The following SCLY variants were observed in gnomAD, a reference collection of about 807,000 sequenced individuals.
SCLY encodes the protein selenocysteine lyase.
Under a neutral mutation model 50.1 loss-of-function variants are expected in SCLY, and 38 were observed. That is an observed-to-expected ratio of 0.76 (90% confidence interval 0.59 to 0.99). SCLY has a LOEUF of 0.99. Ranked by LOEUF, SCLY falls within the 50% of genes least tolerant of loss-of-function variation. The pLI, the probability that SCLY is intolerant of heterozygous loss-of-function variation, is 0.00. For synonymous variants in SCLY, 243 were observed against 249.4 expected (o/e 0.97, Z 0.24); for missense variants, 600 against 620.0 (o/e 0.97, Z 0.34).
chr2:238,071,507 G>A (rs2065127722), intron 4 of SCLY, among the ~76,000 whole-genome samples: 1 of 152,130 alleles, frequency 6.6e-6, no homozygotes, highest in Non-Finnish European at 1.5e-5. Context: ...TACTCGGGAG[G>A]CTAAGGAGGA....
At chr2:238,097,833 G>T (rs1303374774) in intron 11 of SCLY, among the ~76,000 whole-genome samples, 1 of 152,158 alleles carries the variant, frequency 6.6e-6, no homozygotes, top group East Asian at 1.9e-4. Context: ...TTACCAAGTG[G>T]CTCAGGTGGG....
chr2:238,091,972 G>A (rs934107093), intron 8 of SCLY: 1 of 152,338 alleles, frequency 6.6e-6, no homozygotes, highest in Non-Finnish European at 1.5e-5. Context: ...CAGAGAAAGG[G>A]CTTAGCGCCC....
At chr2:238,080,062 T>C (rs2065219042) in intron 4 of SCLY, 2 of 152,242 alleles carry the variant, frequency 1.3e-5, no homozygotes, top group South Asian at 2.1e-4. Context: ...TCCAATATAC[T>C]CTGGAGCCCC....
In SCLY at chr2:238,068,067, A is replaced by G. The variant is rs143106489; in HGVS notation, c.205A>G (p.Arg69Gly). The G allele has an allele frequency of 8.5e-4, 1,374 of 1,608,594 alleles. No individual in the cohort carries two copies. The highest frequency in any genetic ancestry group is 8.5e-4 in the Non-Finnish European group (1,005 of 1,177,880). ...GNPSSPYSAG[R>G]KAKDIINAAR... ...AATTTCCTTTTTGGTCCCTCAAGGA[A>G]GAAAGGCCAAGGATATTATAAATGC... Residue 69 changes from arginine (R) to glycine (G), a missense_variant and splice_region_variant, in exon 3 of 12, where the codon AGA (arginine) becomes GGA (glycine). Transcript: ENST00000254663.
chr2:238,085,791 C>T (rs2065291230), intron 7 of SCLY, among the ~76,000 whole-genome samples: 1 of 152,142 alleles, frequency 6.6e-6, no homozygotes, highest in Non-Finnish European at 1.5e-5. Context: ...AATGATATAA[C>T]ATTCGTTTCA....
At chr2:238,095,155 C>T (rs1251044948) in intron 10 of SCLY, among the ~76,000 whole-genome samples, 3 of 152,204 alleles carry the variant, frequency 2.0e-5, no homozygotes, top group Admixed American at 2.0e-4. Context: ...ATAATTGAGC[C>T]ACTGCACTCC....
intron 4 of SCLY, among the ~76,000 whole-genome samples, chr2:238,078,364 T>A (rs1362137133): frequency 6.6e-6 from 1 of 152,242 alleles, no homozygotes; most frequent in Non-Finnish European, 1.5e-5. Flanking sequence ...TTTCACTTTT[T>A]GTTTCCTAGA....
chr2:238,062,613 T>C (rs1179025942), intron 1 of SCLY, among the ~76,000 whole-genome samples: 1 of 152,244 alleles, frequency 6.6e-6, no homozygotes, highest in Non-Finnish European at 1.5e-5. Flanking sequence ...GGTTTCGCCG[T>C]GTTGGCCAGG....
chr2:238,097,059 A>G (rs1351704315), intron 11 of SCLY, among the ~76,000 whole-genome samples, 183 bp downstream of exon 11: 1 of 152,044 alleles, frequency 6.6e-6, no homozygotes, highest in Non-Finnish European at 1.5e-5. Context: ...CTGCCATCTG[A>G]AGGACTAGGA....
In SCLY at chr2:238,064,387, T is replaced by TC. The variant is rs1238297211; in HGVS notation, c.124dup (p.Leu42ProfsTer60). ...TTTATATGGACTATAATGCAACGAC[T>TC]CCCCTGGAGCCAGAAGTTATCCAGG... is the stretch of plus-strand genomic sequence containing the variant. On this transcript the variant is annotated frameshift_variant, in exon 2 of 12. Coordinates refer to ENST00000254663, the MANE Select transcript of SCLY (RefSeq NM_016510.7). LOFTEE classifies it high-confidence loss of function. 6.2e-7 allele frequency: 1 copy of TC among 1,609,332 alleles called. No individual in the cohort carries two copies. Among genetic ancestry groups the TC allele is most frequent in the African/African-American group, 1.3e-5 (1 of 74,482 alleles).
intron 6 of SCLY, 92 bp downstream of exon 6, chr2:238,082,301 T>C: frequency 7.6e-7 from 1 of 1,320,610 alleles, no homozygotes; most frequent in East Asian, 2.5e-5. Context: ...CTGCCCACCG[T>C]GAGCCAGGCC....
At position 238,099,042 on chromosome 2, in the gene SCLY, G is replaced by T. The variant is rs1472178365; in HGVS notation, c.*687G>T. ...GCTTCCCCGAGCCTGACCCTGTTCC[G>T]CCCACTGGCAATCAGGGCTGCGCAC... On this transcript the variant is annotated 3_prime_UTR_variant, in exon 12 of 12. Transcript: ENST00000254663. 8.8e-6 allele frequency: 3 copies of T among 340,536 alleles called. No individual in the cohort carries two copies. Among genetic ancestry groups the T allele is most frequent in the Non-Finnish European group, 1.7e-5 (3 of 174,452 alleles). 21.1% of individuals were successfully genotyped at this position (340,536 alleles called of 1,614,324 possible).
In SCLY at chr2:238,069,564, C is replaced by T. The variant is rs1394296843; in HGVS notation, c.484+87C>T. ...TGGCCTGCGAGCAGAGCCCGGGATC[C>T]GCTGCAGAGATGTAGATTCAGTGTG... On this transcript the variant is annotated intron_variant, in intron 4 of 11. Coordinates refer to ENST00000254663, the MANE Select transcript of SCLY (RefSeq NM_016510.7). The surrounding 1 kb of genome is among the most constrained non-coding windows in gnomAD (Gnocchi z 5.0). 26 of 1,213,978 alleles carry T rather than the reference C, an allele frequency of 2.1e-5. No individual in the cohort carries two copies. Among genetic ancestry groups the T allele is most frequent in the African/African-American group, 1.4e-4 (9 of 65,044 alleles). 75.2% of individuals were successfully genotyped at this position (1,213,978 alleles called of 1,614,324 possible). A position where few individuals can be genotyped will look rare whatever the true frequency, so the allele number is the denominator to read the frequency against.
At chr2:238,071,195 A>G (rs1403469119) in intron 4 of SCLY, among the ~76,000 whole-genome samples, 1 of 152,218 alleles carries the variant, frequency 6.6e-6, no homozygotes, top group Non-Finnish European at 1.5e-5. Context: ...GCAACTTGGT[A>G]TACATCATTA....
chr2:238,085,474 T>C (rs2065284431), intron 7 of SCLY, among the ~76,000 whole-genome samples: 3 of 150,884 alleles, frequency 2.0e-5, no homozygotes, highest in African/African-American at 7.3e-5. Context: ...ATCCCAGCAC[T>C]TTGGGAGGCC....
Position 238,094,416 on chromosome 2 carries a change from T to G in SCLY, c.1006-4T>G, listed in dbSNP as rs746621437. The G allele has an allele frequency of 1.2e-6, 2 of 1,611,730 alleles. No homozygotes were observed. The highest frequency in any genetic ancestry group is 1.7e-6 in the Non-Finnish European group (2 of 1,178,690). ...TCACCAAATATTTCACTTATTTTTT[T>G]CAGGCTGAATTCGGTCAGAAGAGAA... On this transcript the variant is annotated splice_region_variant and splice_polypyrimidine_tract_variant and intron_variant, in intron 9 of 11. Transcript: ENST00000254663.
chr2:238,086,973 C>T (rs2065304166), intron 7 of SCLY, among the ~76,000 whole-genome samples: 2 of 151,068 alleles, frequency 1.3e-5, no homozygotes, highest in South Asian at 2.1e-4. Flanking sequence ...GACCCGAGAT[C>T]GCACCACTGC....
intron 11 of SCLY, 55 bp from the exon 12 acceptor site, chr2:238,098,147 G>C (rs767969708): frequency 1.3e-6 from 2 of 1,582,650 alleles, no homozygotes; most frequent in Admixed American, 3.4e-5. Flanking sequence ...AGGGGGGGCT[G>C]TGTCTCTTCC....
At position 238,066,082 on chromosome 2, in the gene SCLY, A is replaced by G. The variant is rs1049630981; in HGVS notation, c.202+1613A>G. Reference sequence around the variant, plus strand: ...TCACAGTCTTGCTTATAATAGCAAAACAAACAAAAACCCTGAAAATAAGCT... The same window carrying G: ...TCACAGTCTTGCTTATAATAGCAAAGCAAACAAAAACCCTGAAAATAAGCT... On this transcript the variant is annotated intron_variant, in intron 2 of 11. Coordinates refer to ENST00000254663, the MANE Select transcript of SCLY (RefSeq NM_016510.7). This position sits in a 1 kb window ranked among gnomAD's most constrained non-coding sequence, Gnocchi z 4.1. Among the ~76,000 whole-genome samples, 4 of 152,254 alleles carry G rather than the reference A, an allele frequency of 2.6e-5. No homozygotes were observed. The highest frequency in any genetic ancestry group is 6.5e-5 in the Admixed American group (1 of 15,290).
Sources: allele counts gnomAD v4.1 joint callset (sites outside exome capture counted in the v4.1 genomes callset), GRCh38; gene constraint gnomAD v4.1.1; non-coding constraint Gnocchi (gnomAD v3.1); transcripts MANE v1.5; gene names NCBI Gene and HGNC (gene_info 2026-07-23, HGNC 2026-07-21).